The following GLCCI1 variants were observed in gnomAD, a reference collection of about 807,000 sequenced individuals.
The protein encoded by GLCCI1 is glucocorticoid-induced transcript 1 protein.
A neutral mutation model predicts 52.2 loss-of-function variants in GLCCI1; 24 were observed. The ratio of observed to expected loss-of-function variants is 0.46; its 90% confidence interval spans 0.33 to 0.65. GLCCI1 has a LOEUF of 0.65. GLCCI1 is among the 30% of genes least tolerant of loss of function. The probability of loss-of-function intolerance (pLI) is 0.02; values close to 1 mark genes in which losing one functional copy is unlikely to be tolerated. For missense variants in GLCCI1, 704 were observed against 701.5 expected, an observed-to-expected ratio of 1.00 and a Z score of -0.04; for synonymous variants, 310 against 276.5, an observed-to-expected ratio of 1.12 and a Z score of -1.20.
intron 3 of GLCCI1, among the ~76,000 whole-genome samples, chr7:8,029,454 A>G (rs1439843301): frequency 6.6e-6 from 1 of 152,186 alleles, no homozygotes; most frequent in African/African-American, 2.4e-5. Context: ...ACCTCAACAT[A>G]ATAAAAGCTA....
intron 1 of GLCCI1, among the ~76,000 whole-genome samples, chr7:7,977,713 A>G (rs550843693): frequency 6.6e-6 from 1 of 152,332 alleles, no homozygotes; most frequent in Admixed American, 6.5e-5. Flanking sequence ...AGTTTATTAG[A>G]CTAGATGATT....
chr7:8,054,399 A>C (rs1584004010), intron 3 of GLCCI1, among the ~76,000 whole-genome samples: 1 of 152,152 alleles, frequency 6.6e-6, no homozygotes, highest in East Asian at 1.9e-4. Context: ...TAAAAAACTT[A>C]AAAGGATCTA....
intron 6 of GLCCI1, among the ~76,000 whole-genome samples, chr7:8,075,020 C>G (rs554646110): frequency 4.6e-4 from 70 of 152,240 alleles, no homozygotes; most frequent in African/African-American, 1.6e-3. Flanking sequence ...GATTATTTTT[C>G]TAGTATTCAT....
chr7:8,005,744 G>A (rs1781136148), intron 2 of GLCCI1, among the ~76,000 whole-genome samples: 1 of 151,924 alleles, frequency 6.6e-6, no homozygotes, highest in Non-Finnish European at 1.5e-5. Flanking sequence ...TGAAATGAAT[G>A]CTATGTGCTG....
chr7:8,070,807 G>A, intron 5 of GLCCI1, 114 bp from the exon 6 acceptor site: 2 of 876,584 alleles, frequency 2.3e-6, no homozygotes, highest in Non-Finnish European at 3.5e-6. Flanking sequence ...AGCCTTTGAA[G>A]AATAAACTGG....
chr7:8,022,417 C>A, intron 2 of GLCCI1, 66 bp from the exon 3 acceptor site: 1 of 859,700 alleles, frequency 1.2e-6, no homozygotes, highest in Non-Finnish European at 1.6e-6. Flanking sequence ...AAATATGTTT[C>A]AGTTGCTTGA....
rs111705902 is a variant in GLCCI1, at chr7:7,980,126, C to T, written c.457+10319C>T. 2.5e-4 allele frequency among the ~76,000 whole-genome samples: 38 copies of T among 152,280 alleles called. 1 individual carries two copies. Among genetic ancestry groups the T allele is most frequent in the African/African-American group, 5.5e-4 (23 of 41,550 alleles). ...AGAGATGGGGTTTCGAACTCCTGGC[C>T]TCAAGTGATCCACCTGCCTTGGCCT... On this transcript the variant is annotated intron_variant, in intron 1 of 7. Coordinates refer to ENST00000223145, the MANE Select transcript of GLCCI1 (RefSeq NM_138426.4).
At chr7:8,011,051 G>T (rs1781253354) in intron 2 of GLCCI1, among the ~76,000 whole-genome samples, 1 of 151,906 alleles carries the variant, frequency 6.6e-6, no homozygotes, top group African/African-American at 2.4e-5. Context: ...CCCGGGAGGT[G>T]GAGGTTGCAG....
intron 6 of GLCCI1, among the ~76,000 whole-genome samples, chr7:8,082,959 C>T (rs923027401): frequency 6.6e-6 from 1 of 152,062 alleles, no homozygotes; most frequent in African/African-American, 2.4e-5. Flanking sequence ...ACTTTTCTTA[C>T]GTGATAATAG....
At chr7:8,010,539 T>G (rs1047084880) in intron 2 of GLCCI1, among the ~76,000 whole-genome samples, 1 of 152,188 alleles carries the variant, frequency 6.6e-6, no homozygotes, top group African/African-American at 2.4e-5. Context: ...ATTCTATAAT[T>G]ATCCCAGAAT....
rs138627116 is a variant in GLCCI1, at chr7:7,968,834, C to G, written c.-517C>G. 1.2e-5 allele frequency: 2 copies of G among 160,536 alleles called. No individual in the cohort carries two copies. Among genetic ancestry groups the G allele is most frequent in the African/African-American group, 4.8e-5 (2 of 41,512 alleles). 9.9% of individuals were successfully genotyped at this position (160,536 alleles called of 1,614,324 possible). Reference sequence around the variant, plus strand: ...AGTGAGGAGTGGGTAGAAGCGGCGGCGGCGGCGGCGGCGTTTGCGGTGGCG... The same window carrying G: ...AGTGAGGAGTGGGTAGAAGCGGCGGGGGCGGCGGCGGCGTTTGCGGTGGCG... On this transcript the variant is annotated 5_prime_UTR_variant, in exon 1 of 8. Coordinates refer to ENST00000223145, the MANE Select transcript of GLCCI1 (RefSeq NM_138426.4).
Position 7,969,374 on chromosome 7 carries a change from C to T in GLCCI1, c.24C>T (p.Ser8=), listed in dbSNP as rs1455013175. The T allele has an allele frequency of 2.0e-6, 3 of 1,489,516 alleles. No individual in the cohort carries two copies. The highest frequency in any genetic ancestry group is 2.7e-6 in the Non-Finnish European group (3 of 1,121,794). 92.3% of individuals were successfully genotyped at this position (1,489,516 alleles called of 1,614,324 possible). Residue 8 remains serine (S), a synonymous_variant, in exon 1 of 8, where the codon TCC becomes TCT. Coordinates refer to ENST00000223145, the MANE Select transcript of GLCCI1 (RefSeq NM_138426.4). This position sits in a 1 kb window ranked among gnomAD's most constrained non-coding sequence, Gnocchi z 4.9. The part of the protein sequence containing the change: MSTASSS[S]SSSSSQTPHP... ...CCATGTCCACTGCCTCCTCCTCCTC[C>T]TCCTCCAGTTCCTCTCAGACCCCTC... is the stretch of plus-strand genomic sequence containing the variant.
chr7:7,981,115 T>C, intron 1 of GLCCI1: 1 of 467,444 alleles, frequency 2.1e-6, no homozygotes, highest in South Asian at 1.6e-5. Flanking sequence ...TCCGGAAAAA[T>C]CTGTGTATGC....
intron 1 of GLCCI1, among the ~76,000 whole-genome samples, chr7:7,998,778 G>C (rs1040266304): frequency 6.6e-6 from 1 of 152,086 alleles, no homozygotes; most frequent in African/African-American, 2.4e-5. Flanking sequence ...TAAAAGTTTA[G>C]CTGCTAATTA....
At chr7:8,072,465 C>T (rs1782784604) in intron 6 of GLCCI1, among the ~76,000 whole-genome samples, 1 of 152,104 alleles carries the variant, frequency 6.6e-6, no homozygotes, top group South Asian at 2.1e-4. Flanking sequence ...TGTGGGAAGT[C>T]TCCATTTCTT....
intron 3 of GLCCI1, among the ~76,000 whole-genome samples, chr7:8,024,511 G>A (rs1380973030): frequency 6.6e-6 from 1 of 152,222 alleles, no homozygotes; most frequent in Non-Finnish European, 1.5e-5. Flanking sequence ...AGGCTGAAAG[G>A]AAGTAACGCC....
chr7:7,990,368 G>A (rs1009786282), intron 1 of GLCCI1, among the ~76,000 whole-genome samples: 1 of 152,010 alleles, frequency 6.6e-6, no homozygotes, highest in Non-Finnish European at 1.5e-5. Flanking sequence ...CAGTTCAATC[G>A]GTAATATCAA....
At chr7:7,998,651 A>C (rs1020691313) in intron 1 of GLCCI1, among the ~76,000 whole-genome samples, 1 of 152,168 alleles carries the variant, frequency 6.6e-6, no homozygotes, top group East Asian at 1.9e-4. Context: ...TAAGCATTCT[A>C]CCTTAGAGTG....
At chr7:8,046,087 T>C (rs1268868701) in intron 3 of GLCCI1, among the ~76,000 whole-genome samples, 3 of 152,100 alleles carry the variant, frequency 2.0e-5, no homozygotes, top group African/African-American at 7.2e-5. Context: ...TAACAAAATT[T>C]GATAAAATTA....
Sources: gnomAD v4.1 joint callset for allele counts (sites outside exome capture counted in the v4.1 genomes callset) on GRCh38, gnomAD v4.1.1 for gene constraint, Gnocchi (gnomAD v3.1) non-coding constraint, MANE v1.5 for transcripts, NCBI Gene and HGNC (gene_info 2026-07-23, HGNC 2026-07-21) for gene names.